Variants in PRLR observed in about 807,000 individuals in gnomAD.
PRLR encodes the protein hPRL receptor.
In PRLR, 13 loss-of-function variants were observed where a neutral mutation model predicts 40.2. The observed-to-expected ratio is 0.32, with a 90% CI of 0.21 to 0.51. The LOEUF (loss-of-function observed/expected upper bound fraction) is 0.51, where lower values mean the gene tolerates loss of function less well. Ranked by LOEUF, PRLR falls within the 20% of genes least tolerant of loss-of-function variation. PRLR has a pLI of 0.97. For synonymous variants in PRLR, 269 were observed against 278.7 expected, an observed-to-expected ratio of 0.97 and a Z score of 0.35; for missense variants, 656 against 747.3, an observed-to-expected ratio of 0.88 and a Z score of 1.42.
chr5:35,157,726 A>G (rs1774550926), intron 1 of PRLR, among the ~76,000 whole-genome samples: 1 of 152,230 alleles, frequency 6.6e-6, no homozygotes, highest in East Asian at 1.9e-4. Flanking sequence ...AAGGGAAAAA[A>G]CAAATAAATA....
intron 1 of PRLR, among the ~76,000 whole-genome samples, chr5:35,122,034 G>A (rs541298327): frequency 6.6e-6 from 1 of 152,184 alleles, no homozygotes; most frequent in Admixed American, 6.5e-5. Flanking sequence ...TAACAAATGA[G>A]AAAATAATAC....
At chr5:35,164,504 G>A (rs1316121138) in intron 1 of PRLR, among the ~76,000 whole-genome samples, 1 of 152,072 alleles carries the variant, frequency 6.6e-6, no homozygotes, top group Non-Finnish European at 1.5e-5. Flanking sequence ...GTCTCAAATC[G>A]AGAAAGCACT....
In PRLR at chr5:35,065,312, A is replaced by G. The variant is rs1769285516; in HGVS notation, c.1646T>C (p.Val549Ala). ...TPENNKEYAK[V>A]SGVMDNNILV... ...GATGTTGTTATCCATGACCCCGGACACCTTGGCATACTCCTTATTGTTCTC... is the reference window on the plus strand; with the variant it reads ...GATGTTGTTATCCATGACCCCGGACGCCTTGGCATACTCCTTATTGTTCTC... The change falls in exon 10 of 10, where the codon GTG becomes GCG. Residue 549 changes from valine (V) to alanine (A), a missense_variant. This residue lies in a region of PRLR where 469 missense variants were observed against 491.5 expected (regional missense o/e 0.95). Coordinates refer to ENST00000618457, the MANE Select transcript of PRLR (RefSeq NM_000949.7). 1 of 1,614,002 alleles carries G rather than the reference A, an allele frequency of 6.2e-7. No individual in the cohort carries two copies. The highest frequency in any genetic ancestry group is 8.5e-7 in the Non-Finnish European group (1 of 1,180,026).
At chr5:35,131,790 C>T (rs984776461) in intron 1 of PRLR, among the ~76,000 whole-genome samples, 3 of 152,156 alleles carry the variant, frequency 2.0e-5, no homozygotes, top group African/African-American at 7.2e-5. Flanking sequence ...ATACAAGCAT[C>T]CCTGACCCCT....
intron 1 of PRLR, among the ~76,000 whole-genome samples, chr5:35,208,079 A>T (rs1473144468): frequency 6.6e-6 from 1 of 151,966 alleles, no homozygotes; most frequent in Non-Finnish European, 1.5e-5. Context: ...TCTGCCCAAC[A>T]TCATTGTCTT....
At chr5:35,171,946 T>C (rs1775009232) in intron 1 of PRLR, among the ~76,000 whole-genome samples, 1 of 152,198 alleles carries the variant, frequency 6.6e-6, no homozygotes, top group Non-Finnish European at 1.5e-5. Flanking sequence ...ATTTTGTCAA[T>C]GTTGAATGCA....
chr5:35,206,519 A>G (rs1776025474), intron 1 of PRLR, among the ~76,000 whole-genome samples: 1 of 152,088 alleles, frequency 6.6e-6, no homozygotes, highest in Admixed American at 6.5e-5. Flanking sequence ...AAAATGTTAA[A>G]TTATTCTTAC....
chr5:35,168,314 A>C (rs1157744504), intron 1 of PRLR, among the ~76,000 whole-genome samples: 1 of 152,106 alleles, frequency 6.6e-6, no homozygotes, highest in African/African-American at 2.4e-5. Flanking sequence ...AAAAATTAGT[A>C]AGGGCATAGA....
At chr5:35,052,830 A>T (rs576702906), downstream of PRLR, among the ~76,000 whole-genome samples, 1 of 152,246 alleles carries the variant, frequency 6.6e-6, no homozygotes, top group African/African-American at 2.4e-5. Flanking sequence ...AGGTTTTCTC[A>T]CTCAGTCTGT....
In PRLR at chr5:35,061,154, G is replaced by A. The variant is rs576920157; in HGVS notation, c.*3935C>T. ...TATATATAATCCCTATAAGGCAAAT[G>A]TTACTTTCTAATCAATACATTTTTC... On this transcript the variant is annotated 3_prime_UTR_variant, in exon 10 of 10. Coordinates refer to ENST00000618457, the MANE Select transcript of PRLR (RefSeq NM_000949.7). 1 of 151,762 alleles carries A rather than the reference G, an allele frequency of 6.6e-6. No individual in the cohort carries two copies. The highest frequency in any genetic ancestry group is 2.4e-5 in the African/African-American group (1 of 41,324). The allele number at this position is 151,762 out of a possible 1,614,324, so 9.4% of individuals were successfully genotyped here.
intron 1 of PRLR, among the ~76,000 whole-genome samples, chr5:35,194,721 C>G (rs1238849579): frequency 6.6e-6 from 1 of 152,086 alleles, no homozygotes; most frequent in Non-Finnish European, 1.5e-5. Flanking sequence ...AGAAAAGACA[C>G]AAGTATAGAG....
chr5:35,113,455 A>G (rs868451546), intron 2 of PRLR, among the ~76,000 whole-genome samples: 3 of 26,708 alleles, frequency 1.1e-4, no homozygotes, highest in South Asian at 1.6e-3. Context: ...CCACCTATCC[A>G]TCCATCCATC....
chr5:35,073,665 A>T (rs1324863022), intron 5 of PRLR, among the ~76,000 whole-genome samples: 1 of 152,208 alleles, frequency 6.6e-6, no homozygotes, highest in African/African-American at 2.4e-5. Context: ...TCACTCTACC[A>T]TGGTTGTAAG....
At position 35,059,474 on chromosome 5, in the gene PRLR, A is replaced by G. The variant is rs1168616048; in HGVS notation, c.*5615T>C. 1 of 152,200 alleles carries G rather than the reference A, an allele frequency of 6.6e-6. No homozygotes were observed. The highest frequency in any genetic ancestry group is 1.5e-5 in the Non-Finnish European group (1 of 68,028). The allele number at this position is 152,200 out of a possible 1,614,324, so 9.4% of individuals were successfully genotyped here. A position where few individuals can be genotyped will look rare whatever the true frequency, so the allele number is the denominator to read the frequency against. On this transcript the variant is annotated 3_prime_UTR_variant, in exon 10 of 10. Coordinates refer to ENST00000618457, the MANE Select transcript of PRLR (RefSeq NM_000949.7). ...CATAAACTCTTAGACATAAACTCAT[A>G]AAATCTGTTCAGAACACTGAACAGA...
intron 1 of PRLR, among the ~76,000 whole-genome samples, chr5:35,228,472 T>C (rs1387961152): frequency 6.6e-6 from 1 of 152,144 alleles, no homozygotes; most frequent in Non-Finnish European, 1.5e-5. Context: ...TTCAAAAGAA[T>C]ATGGCTGCCT....
Position 35,152,477 on chromosome 5 carries a change from TC to T in PRLR, c.-105-34356del, listed in dbSNP as rs779442155. On this transcript the variant is annotated intron_variant, in intron 1 of 9. Transcript: ENST00000618457. ...TATTGCCCCTCCCACCTTCAAATCA[TC>T]ACAAAAAATTTTAGCATAGGAGATT... Among the ~76,000 whole-genome samples the T allele has an allele frequency of 1.0e-3, 158 of 152,112 alleles. 3 individuals are homozygous for T. The highest frequency in any genetic ancestry group is 2.8e-4 in the Non-Finnish European group (19 of 67,998).
chr5:35,088,915 G>A lies in PRLR; in HGVS notation c.70+636C>T, dbSNP rs1351494221. On this transcript the variant is annotated intron_variant, in intron 3 of 9. Coordinates refer to ENST00000618457, the MANE Select transcript of PRLR (RefSeq NM_000949.7). ...AAGTATATACATACAGGTTCAGACA[G>A]AGAGACATTTGAAATCAGGTCCATA... 2.0e-5 allele frequency among the ~76,000 whole-genome samples: 3 copies of A among 152,178 alleles called. No individual in the cohort carries two copies. In the East Asian group the frequency reaches 5.8e-4, roughly 29 times the overall value.
intron 1 of PRLR, among the ~76,000 whole-genome samples, chr5:35,186,855 C>T (rs143142647): frequency 1.4e-4 from 21 of 152,322 alleles, no homozygotes; most frequent in African/African-American, 4.8e-4. Context: ...CTCTTCTGCA[C>T]CCCGCTGTGT....
At chr5:35,145,002 A>T (rs1028529468) in intron 1 of PRLR, among the ~76,000 whole-genome samples, 2 of 152,202 alleles carry the variant, frequency 1.3e-5, no homozygotes, top group Non-Finnish European at 2.9e-5. Context: ...CAGGGTGGTG[A>T]GACAAGTAAT....
Sources: allele counts gnomAD v4.1 joint callset (sites outside exome capture counted in the v4.1 genomes callset), GRCh38; gene constraint gnomAD v4.1.1; regional missense constraint gnomAD v4.1.1; transcripts MANE v1.5; gene names NCBI Gene and HGNC (gene_info 2026-07-23, HGNC 2026-07-21).